SLC38A6: variants seen among roughly 807,000 people sequenced by gnomAD.
SLC38A6 encodes N system amino acid transporter NAT-1.
Under a neutral mutation model 65.0 loss-of-function variants are expected in SLC38A6, and 73 were observed. That is an observed-to-expected ratio of 1.12 (90% CI 0.93 to 1.37). The LOEUF (loss-of-function observed/expected upper bound fraction) is 1.37. SLC38A6 is among the 40% of genes most tolerant of loss of function. SLC38A6 has a pLI of 0.00. For synonymous variants in SLC38A6, 183 were observed against 178.8 expected (o/e 1.02, Z -0.19); for missense variants, 561 against 531.1 (o/e 1.06, Z -0.55).
intron 12 of SLC38A6, among the ~76,000 whole-genome samples, chr14:61,050,104 A>C (rs555061519): frequency 6.6e-6 from 1 of 152,308 alleles, no homozygotes; most frequent in East Asian, 1.9e-4. Flanking sequence ...CCTTTGTGTT[A>C]TGTGATCTTA....
At position 61,047,865 on chromosome 14, in the gene SLC38A6, C is replaced by T. The variant is rs145977753; in HGVS notation, c.925+1698C>T. Among the ~76,000 whole-genome samples, 702 of 152,010 alleles carry T rather than the reference C, an allele frequency of 4.6e-3. 7 individuals are homozygous for T. Among genetic ancestry groups the T allele is most frequent in the African/African-American group, 0.016 (664 of 41,476 alleles). The stretch of plus-strand genomic sequence containing the variant: ...AAATTTTATATAATAGAGAAATACA[C>T]ATCTAAGAAAATCACATGGTAGGTA... On this transcript the variant is annotated intron_variant, in intron 12 of 15. Coordinates refer to ENST00000267488, the MANE Select transcript of SLC38A6 (RefSeq NM_153811.3).
chr14:61,083,431 G>A, intron 16 of SLC38A6: 3 of 1,408,418 alleles, frequency 2.1e-6, no homozygotes, highest in Non-Finnish European at 2.8e-6. Flanking sequence ...CGTAGGTTGA[G>A]GCCCCAATCC....
intron 15 of SLC38A6, among the ~76,000 whole-genome samples, chr14:61,063,622 A>C (rs570165172): frequency 6.6e-6 from 1 of 152,314 alleles, no homozygotes; most frequent in East Asian, 1.9e-4. Context: ...ATATGGAAAT[A>C]CACTCTTTTG....
chr14:61,075,731 G>C (rs1289192185), intron 15 of SLC38A6, among the ~76,000 whole-genome samples: 1 of 149,600 alleles, frequency 6.7e-6, no homozygotes, highest in African/African-American at 2.5e-5. Context: ...ACAAAGCCTG[G>C]TAGTTCAGAA....
intron 15 of SLC38A6, among the ~76,000 whole-genome samples, chr14:61,073,104 A>G (rs1333915866): frequency 6.6e-6 from 1 of 152,136 alleles, no homozygotes. Flanking sequence ...TGATATGGCA[A>G]TTTTGATTTG....
At chr14:61,041,082 C>G (rs1281072614) in intron 8 of SLC38A6, among the ~76,000 whole-genome samples, 1 of 152,158 alleles carries the variant, frequency 6.6e-6, no homozygotes, top group African/African-American at 2.4e-5. Context: ...ACAAAAGAAG[C>G]AAAGGGCTTA....
chr14:61,073,772 T>C (rs2043306560), intron 15 of SLC38A6: 1 of 152,142 alleles, frequency 6.6e-6, no homozygotes, highest in African/African-American at 2.4e-5. Flanking sequence ...CAGTTAACTT[T>C]AGAACAACAT....
At chr14:60,987,435 G>T (rs76561775) in intron 3 of SLC38A6, 2 of 152,640 alleles carry the variant, frequency 1.3e-5, no homozygotes, top group Non-Finnish European at 2.9e-5. Flanking sequence ...TTTATGGAGC[G>T]TTTGGGGTCT....
chr14:61,008,310 ACTT>A (rs71114176), intron 3 of SLC38A6, among the ~76,000 whole-genome samples: 103,204 of 151,726 alleles, frequency 0.68, 35,241 homozygotes, highest in African/African-American at 0.69. Flanking sequence ...CTTCTTTCTA[ACTT>A]TGTAGTAATG....
At chr14:61,072,175 A>G (rs2043251302) in intron 15 of SLC38A6, among the ~76,000 whole-genome samples, 1 of 152,214 alleles carries the variant, frequency 6.6e-6, no homozygotes, top group African/African-American at 2.4e-5. Context: ...AATGACACAT[A>G]AGTGAAAAGA....
At chr14:60,998,328 G>A (rs1009141306) in intron 3 of SLC38A6, among the ~76,000 whole-genome samples, 3 of 151,966 alleles carry the variant, frequency 2.0e-5, no homozygotes, top group African/African-American at 7.3e-5. Flanking sequence ...AGGTCCACAG[G>A]CAGGAGAGCA....
At chr14:61,034,260 G>A (rs1446940971) in intron 6 of SLC38A6, 1 of 152,178 alleles carries the variant, frequency 6.6e-6, no homozygotes, top group Non-Finnish European at 1.5e-5. Flanking sequence ...CAAGAGAAAA[G>A]AGTCCTGGTC....
chr14:61,070,359 T>G (rs1458742127), intron 15 of SLC38A6, among the ~76,000 whole-genome samples: 2 of 152,250 alleles, frequency 1.3e-5, no homozygotes, highest in East Asian at 3.8e-4. Flanking sequence ...CCTCAAGTAT[T>G]ATGCATATTG....
chr14:60,981,627 C>T, intron 1 of SLC38A6: 4 of 1,457,048 alleles, frequency 2.7e-6, no homozygotes, highest in African/African-American at 1.4e-5. Flanking sequence ...AGAGATGCAG[C>T]GTTGAGTGGA....
At chr14:61,065,654 C>T (rs1230898903) in intron 15 of SLC38A6, among the ~76,000 whole-genome samples, 2 of 152,158 alleles carry the variant, frequency 1.3e-5, no homozygotes, top group African/African-American at 4.8e-5. Flanking sequence ...ATGTGTATTC[C>T]ACCCATTGGT....
intron 10 of SLC38A6, among the ~76,000 whole-genome samples, chr14:61,044,129 A>AACT (rs949999979): frequency 1.4e-4 from 21 of 152,258 alleles, no homozygotes; most frequent in African/African-American, 4.8e-4. Context: ...ACCACTCTAG[A>AACT]AGAGCTCAAA....
intron 3 of SLC38A6, among the ~76,000 whole-genome samples, chr14:60,991,636 T>C (rs1020482926): frequency 7.2e-5 from 11 of 152,200 alleles, no homozygotes; most frequent in Admixed American, 4.6e-4. Context: ...TGGACGTTTC[T>C]TCCCCCAGTT....
At chr14:60,987,604 A>T (rs559868649) in intron 3 of SLC38A6, 2 of 152,386 alleles carry the variant, frequency 1.3e-5, no homozygotes, top group Admixed American at 1.3e-4. Flanking sequence ...TCCTTGGCAA[A>T]TGAGTGCTCC....
intron 1 of SLC38A6, chr14:60,981,699 T>C: frequency 1.5e-6 from 2 of 1,345,684 alleles, no homozygotes; most frequent in Non-Finnish European, 1.9e-6. Flanking sequence ...TTAGTTAGTA[T>C]TTTTGTCACC....
Sources: allele counts gnomAD v4.1 joint callset (sites outside exome capture counted in the v4.1 genomes callset), GRCh38; gene constraint gnomAD v4.1.1; transcripts MANE v1.5; gene names NCBI Gene and HGNC (gene_info 2026-07-23, HGNC 2026-07-21).